Variants in FHIT observed in about 807,000 individuals in gnomAD.
FHIT encodes the protein fragile histidine triad diadenosine triphosphatase.
Under a neutral mutation model 17.9 loss-of-function variants are expected in FHIT, and 19 were observed. The ratio of observed to expected loss-of-function variants is 1.06; its 90% CI spans 0.74 to 1.56. FHIT has a LOEUF of 1.56. FHIT is among the 40% of genes most tolerant of loss of function. The probability of loss-of-function intolerance (pLI) is 0.00; values close to 1 mark genes in which losing one functional copy is unlikely to be tolerated. For missense variants in FHIT, 248 were observed against 189.2 expected (o/e 1.31, Z -1.82); for synonymous variants, 81 against 69.7 (o/e 1.16, Z -0.81).
chr3:61,134,055 C>A (rs1261770518), intron 2 of FHIT, among the ~76,000 whole-genome samples: 1 of 143,578 alleles, frequency 7.0e-6, no homozygotes, highest in Non-Finnish European at 1.5e-5. Flanking sequence ...CGCCACTGCA[C>A]TCCAGCCTGG....
intron 5 of FHIT, among the ~76,000 whole-genome samples, chr3:60,170,538 C>T (rs1701372061): frequency 6.6e-6 from 1 of 151,930 alleles, no homozygotes; most frequent in South Asian, 2.1e-4. Flanking sequence ...CCAGTGTGAC[C>T]CCAGCACTTA....
intron 2 of FHIT, among the ~76,000 whole-genome samples, chr3:61,062,647 G>A (rs117948554): frequency 1.3e-5 from 2 of 152,094 alleles, no homozygotes; most frequent in Non-Finnish European, 2.9e-5. Context: ...CACTGCTTTT[G>A]GACAGTATAA....
At chr3:60,045,800 C>A (rs1172434258) in intron 5 of FHIT, among the ~76,000 whole-genome samples, 1 of 152,092 alleles carries the variant, frequency 6.6e-6, no homozygotes, top group Non-Finnish European at 1.5e-5. Flanking sequence ...TTCCAAGTCT[C>A]TGGATCAACT....
intron 5 of FHIT, among the ~76,000 whole-genome samples, chr3:60,072,107 A>G (rs1702800807): frequency 6.6e-6 from 1 of 152,220 alleles, no homozygotes; most frequent in Non-Finnish European, 1.5e-5. Context: ...TGAGGTAGGA[A>G]GGAAAGACAA....
chr3:61,122,469 T>C (rs576775196), intron 2 of FHIT, among the ~76,000 whole-genome samples: 2 of 152,072 alleles, frequency 1.3e-5, no homozygotes, highest in African/African-American at 2.4e-5. Flanking sequence ...ACTAAAACAC[T>C]AAAAGCAATG....
At chr3:60,408,028 G>A (rs1382487227) in intron 5 of FHIT, among the ~76,000 whole-genome samples, 1 of 152,144 alleles carries the variant, frequency 6.6e-6, no homozygotes, top group African/African-American at 2.4e-5. Flanking sequence ...GACAGCACAT[G>A]CCTCATTTTA....
At chr3:60,913,117 A>C (rs1706827537) in intron 3 of FHIT, among the ~76,000 whole-genome samples, 1 of 152,214 alleles carries the variant, frequency 6.6e-6, no homozygotes, top group Non-Finnish European at 1.5e-5. Flanking sequence ...TTAAACAGAC[A>C]CCATGCCTAA....
At chr3:61,189,961 G>T (rs2038660334) in intron 2 of FHIT, among the ~76,000 whole-genome samples, 1 of 152,134 alleles carries the variant, frequency 6.6e-6, no homozygotes, top group African/African-American at 2.4e-5. Context: ...TTAAATGTTA[G>T]ACCTAAAACC....
chr3:61,064,790 G>A (rs1282396543), intron 2 of FHIT, among the ~76,000 whole-genome samples: 1 of 152,138 alleles, frequency 6.6e-6, no homozygotes, highest in African/African-American at 2.4e-5. Context: ...ACAGTTGCCA[G>A]GCAACTGTGT....
intron 3 of FHIT, among the ~76,000 whole-genome samples, chr3:60,873,522 G>C (rs188707911): frequency 7.7e-4 from 117 of 152,190 alleles, no homozygotes; most frequent in Middle Eastern, 3.4e-3. Flanking sequence ...TCTACAGATG[G>C]GTTTACCATT....
intron 2 of FHIT, among the ~76,000 whole-genome samples, chr3:61,169,795 G>C (rs1199825023): frequency 6.6e-6 from 1 of 152,154 alleles, no homozygotes; most frequent in East Asian, 1.9e-4. Flanking sequence ...AGGGGAGAGA[G>C]ATCAGGTTCA....
chr3:60,185,127 G>C (rs1702103230), intron 5 of FHIT, among the ~76,000 whole-genome samples: 1 of 152,108 alleles, frequency 6.6e-6, no homozygotes, highest in Non-Finnish European at 1.5e-5. Flanking sequence ...CAAAGATCTG[G>C]GTGTTAGGTG....
chr3:60,484,111 A>G (rs936991761), intron 5 of FHIT, among the ~76,000 whole-genome samples: 1 of 152,158 alleles, frequency 6.6e-6, no homozygotes, highest in Non-Finnish European at 1.5e-5. Flanking sequence ...CTAGGAAAAC[A>G]GCTAACAGGG....
intron 3 of FHIT, among the ~76,000 whole-genome samples, chr3:61,038,717 G>A (rs540312866): frequency 6.6e-6 from 1 of 152,168 alleles, no homozygotes; most frequent in East Asian, 1.9e-4. Context: ...TACTTCAGAA[G>A]AGAAAAAGAA....
intron 2 of FHIT, among the ~76,000 whole-genome samples, chr3:61,074,342 A>G (rs2034903456): frequency 6.6e-6 from 1 of 152,186 alleles, no homozygotes; most frequent in Admixed American, 6.6e-5. Flanking sequence ...GAACTAAAAG[A>G]GTATGCAAGA....
At chr3:60,210,408 A>G (rs551272516) in intron 5 of FHIT, among the ~76,000 whole-genome samples, 54 of 152,310 alleles carry the variant, frequency 3.5e-4, no homozygotes, top group African/African-American at 1.1e-3. Flanking sequence ...CTTTTCTAAC[A>G]ATTATTTAAA....
intron 4 of FHIT, among the ~76,000 whole-genome samples, chr3:60,578,793 G>T (rs1241001789): frequency 6.6e-6 from 1 of 151,958 alleles, no homozygotes; most frequent in Non-Finnish European, 1.5e-5. Context: ...GCTAAAGAAA[G>T]CCACAAAAAT....
intron 4 of FHIT, among the ~76,000 whole-genome samples, chr3:60,551,037 C>T (rs1005463): frequency 0.042 from 6,349 of 152,120 alleles, 294 homozygotes; most frequent in East Asian, 0.16. Context: ...ATAAGAAGTC[C>T]ACTGTATGTG....
intron 7 of FHIT, among the ~76,000 whole-genome samples, chr3:59,931,233 G>A (rs746542618): frequency 6.6e-6 from 1 of 152,020 alleles, no homozygotes; most frequent in Non-Finnish European, 1.5e-5. Context: ...TTAATTCTAC[G>A]GTGAGCCTTG....
Sources: allele counts gnomAD v4.1 joint callset (sites outside exome capture counted in the v4.1 genomes callset), GRCh38; gene constraint gnomAD v4.1.1; transcripts MANE v1.5; gene names NCBI Gene and HGNC (gene_info 2026-07-23, HGNC 2026-07-21).